CDK14: variants seen among roughly 807,000 people sequenced by gnomAD.
The protein encoded by CDK14 is cyclin dependent kinase 14, also known as cyclin-dependent kinase 14.
In CDK14, 34 loss-of-function variants were observed where a neutral mutation model predicts 60.7. The ratio of observed to expected loss-of-function variants is 0.56; its 90% CI spans 0.43 to 0.75. The LOEUF is 0.75. Among genes scored for constraint, CDK14 ranks in the 30% least tolerant of loss-of-function variants. The pLI, the probability that CDK14 is intolerant of heterozygous loss-of-function variation, is 0.00. For missense variants in CDK14, 482 were observed against 564.1 expected (o/e 0.85, Z 1.47); for synonymous variants, 197 against 203.7 (o/e 0.97, Z 0.28).
chr7:91,102,407 T>C (rs1204336718), intron 12 of CDK14, among the ~76,000 whole-genome samples: 1 of 152,214 alleles, frequency 6.6e-6, no homozygotes, highest in Non-Finnish European at 1.5e-5. Flanking sequence ...TATGGAATTT[T>C]GTATCTCCAT....
At chr7:90,964,370 G>T (rs6974117) in intron 9 of CDK14, among the ~76,000 whole-genome samples, 111,058 of 152,064 alleles carry the variant, frequency 0.73, 40,684 homozygotes, top group East Asian at 0.78. Flanking sequence ...GAAAACATAT[G>T]GAAAACCTAG....
chr7:91,204,292 T>G (rs1802815455), intron 14 of CDK14, among the ~76,000 whole-genome samples: 1 of 152,002 alleles, frequency 6.6e-6, no homozygotes, highest in Admixed American at 6.5e-5. Context: ...GGACCAAAGA[T>G]CTAAATGCAA....
intron 2 of CDK14, among the ~76,000 whole-genome samples, chr7:90,645,209 C>A (rs1428380511): frequency 6.6e-6 from 1 of 152,072 alleles, no homozygotes; most frequent in Non-Finnish European, 1.5e-5. Context: ...AGGTTTTTTG[C>A]ACATTGTGGC....
chr7:90,625,780 C>T (rs190527444), intron 2 of CDK14, among the ~76,000 whole-genome samples: 6 of 152,190 alleles, frequency 3.9e-5, no homozygotes, highest in Non-Finnish European at 5.9e-5. Context: ...ATTGTTCCCC[C>T]GGCCAGGAAT....
intron 12 of CDK14, among the ~76,000 whole-genome samples, chr7:91,085,462 C>T (rs778671415): frequency 2.6e-5 from 4 of 152,208 alleles, no homozygotes; most frequent in Non-Finnish European, 5.9e-5. Flanking sequence ...AAGTTCTCTG[C>T]TTCTGAAGGT....
intron 5 of CDK14, among the ~76,000 whole-genome samples, chr7:90,803,004 C>CAACTCATATTTA (rs1788697901): frequency 6.6e-6 from 1 of 152,046 alleles, no homozygotes; most frequent in Non-Finnish European, 1.5e-5. Flanking sequence ...TGTTGATTGT[C>CAACTCATATTTA]AGCTCATATT....
At chr7:91,174,496 G>A (rs201336651) in intron 14 of CDK14, among the ~76,000 whole-genome samples, 1 of 151,898 alleles carries the variant, frequency 6.6e-6, no homozygotes, top group African/African-American at 2.4e-5. Flanking sequence ...GCTTCAGACG[G>A]TCAAATTACT....
intron 10 of CDK14, among the ~76,000 whole-genome samples, chr7:91,005,365 A>G (rs1795954408): frequency 6.6e-6 from 1 of 152,228 alleles, no homozygotes; most frequent in Non-Finnish European, 1.5e-5. Flanking sequence ...TCTACGGACA[A>G]AACTTAGCAT....
chr7:90,707,109 C>A (rs1315373312), intron 2 of CDK14, among the ~76,000 whole-genome samples: 1 of 152,106 alleles, frequency 6.6e-6, no homozygotes, highest in Non-Finnish European at 1.5e-5. Context: ...GAGCTCCAGA[C>A]CCTTAGACAG....
chr7:90,641,177 T>A (rs1036160199), intron 2 of CDK14, among the ~76,000 whole-genome samples: 4 of 152,012 alleles, frequency 2.6e-5, no homozygotes, highest in African/African-American at 9.7e-5. Flanking sequence ...TCTCATACCC[T>A]GGGACTGCAA....
At chr7:90,889,274 C>T (rs1455106861) in intron 6 of CDK14, among the ~76,000 whole-genome samples, 1 of 152,154 alleles carries the variant, frequency 6.6e-6, no homozygotes, top group African/African-American at 2.4e-5. Flanking sequence ...GAATAGTTTG[C>T]AATAGTCTTA....
chr7:90,884,205 C>G (rs1488685267), intron 6 of CDK14, among the ~76,000 whole-genome samples: 2 of 152,186 alleles, frequency 1.3e-5, no homozygotes, highest in African/African-American at 4.8e-5. Flanking sequence ...AGCCCAAAAA[C>G]TTCTTGAACT....
At chr7:90,741,814 T>C (rs751895767) in intron 3 of CDK14, among the ~76,000 whole-genome samples, 7 of 152,152 alleles carry the variant, frequency 4.6e-5, no homozygotes, top group Non-Finnish European at 8.8e-5. Flanking sequence ...CAGGTTTCTA[T>C]AGAAATAATA....
intron 14 of CDK14, among the ~76,000 whole-genome samples, chr7:91,169,199 C>T (rs896630934): frequency 6.6e-6 from 1 of 152,180 alleles, no homozygotes; most frequent in Non-Finnish European, 1.5e-5. Flanking sequence ...GGCGTGATAC[C>T]GCTTTGATAG....
intron 6 of CDK14, among the ~76,000 whole-genome samples, chr7:90,868,257 A>G (rs561379145): frequency 1.1e-4 from 16 of 151,128 alleles, no homozygotes; most frequent in Non-Finnish European, 1.8e-4. Flanking sequence ...CCTTTATTAT[A>G]CATATATATT....
chr7:91,142,221 T>A (rs1283126035), intron 14 of CDK14, among the ~76,000 whole-genome samples: 1 of 152,168 alleles, frequency 6.6e-6, no homozygotes, highest in Non-Finnish European at 1.5e-5. Flanking sequence ...TTTTTTATTG[T>A]TGTTGTTAGA....
At chr7:91,129,870 A>T (rs970328149) in intron 14 of CDK14, among the ~76,000 whole-genome samples, 1 of 152,124 alleles carries the variant, frequency 6.6e-6, no homozygotes, top group Non-Finnish European at 1.5e-5. Context: ...TACCTGCATA[A>T]CTCACTAAAT....
intron 14 of CDK14, among the ~76,000 whole-genome samples, chr7:91,159,969 A>G (rs192822726): frequency 4.9e-4 from 74 of 152,254 alleles, no homozygotes; most frequent in Non-Finnish European, 2.9e-5. Context: ...TTTTCAATGC[A>G]TGAGTGTGAT....
chr7:90,960,565 A>G (rs1488462301), intron 9 of CDK14, among the ~76,000 whole-genome samples: 3 of 152,268 alleles, frequency 2.0e-5, no homozygotes, highest in Non-Finnish European at 2.9e-5. Flanking sequence ...CACTCTTGAT[A>G]TATAGAAAAA....
Sources: gnomAD v4.1 joint callset for allele counts (sites outside exome capture counted in the v4.1 genomes callset) on GRCh38, gnomAD v4.1.1 for gene constraint, MANE v1.5 for transcripts, NCBI Gene and HGNC (gene_info 2026-07-23, HGNC 2026-07-21) for gene names.